Variants in FAS observed in about 807,000 individuals in gnomAD.
The protein encoded by FAS is Fas cell surface death receptor, also known as tumor necrosis factor receptor superfamily member 6.
Under a neutral mutation model 33.2 loss-of-function variants are expected in FAS, and 5 were observed. The observed-to-expected ratio is 0.15, with a 90% CI of 0.08 to 0.32. The LOEUF is 0.32. Ranked by LOEUF, FAS falls within the 10% of genes least tolerant of loss-of-function variation. The probability of loss-of-function intolerance (pLI) is 1.00; values close to 1 mark genes in which losing one functional copy is unlikely to be tolerated. For missense variants in FAS, 339 were observed against 386.0 expected (o/e 0.88, Z 1.02); for synonymous variants, 131 against 130.7 (o/e 1.00, Z -0.01).
chr10:89,006,638 C>T (rs990192041), intron 2 of FAS, among the ~76,000 whole-genome samples: 4 of 152,128 alleles, frequency 2.6e-5, no homozygotes, highest in Non-Finnish European at 5.9e-5. Context: ...TTACCTTCAT[C>T]TAGCTTTCCC....
chr10:88,994,992 C>T (rs566083951), intron 1 of FAS, among the ~76,000 whole-genome samples: 1 of 151,358 alleles, frequency 6.6e-6, no homozygotes, highest in Non-Finnish European at 1.5e-5. Flanking sequence ...TAATTCAAAA[C>T]GATAAAAAGC....
chr10:89,010,839 T>A, intron 6 of FAS, 24 bp downstream of exon 6: 1 of 1,613,434 alleles, frequency 6.2e-7, no homozygotes, highest in Non-Finnish European at 8.5e-7. Context: ...TTGTTCAAAC[T>A]GCAGATTGAA....
intron 1 of FAS, among the ~76,000 whole-genome samples, chr10:88,997,317 T>G (rs1446744680): frequency 6.6e-6 from 1 of 152,236 alleles, no homozygotes; most frequent in African/African-American, 2.4e-5. Flanking sequence ...GAACTATTTT[T>G]CTGACTCTAG....
At chr10:89,013,952 T>A in intron 8 of FAS, 167 bp from the exon 9 acceptor site, 1 of 680,124 alleles carries the variant, frequency 1.5e-6, no homozygotes, top group Non-Finnish European at 2.5e-6. Flanking sequence ...GGATTTGGAG[T>A]TAGAACTCAA....
At chr10:89,010,507 C>G (rs772637093) in intron 4 of FAS, 32 bp from the exon 5 acceptor site, 1 of 1,583,968 alleles carries the variant, frequency 6.3e-7, no homozygotes, top group South Asian at 1.1e-5. Context: ...TTCTGCCAGG[C>G]TTTTGAATTT....
At position 88,995,768 on chromosome 10, in the gene FAS, G is replaced by A. The variant is rs548680012; in HGVS notation, c.30+4862G>A. ...TGGAACCTGGGAGGTGGAAGTTGCAGTGAGCCAAGATCATGCCACTGCACT... is the reference window on the plus strand; with the variant it reads ...TGGAACCTGGGAGGTGGAAGTTGCAATGAGCCAAGATCATGCCACTGCACT... On this transcript the variant is annotated intron_variant, in intron 1 of 8. Coordinates refer to ENST00000652046, the MANE Select transcript of FAS (RefSeq NM_000043.6). 1.2e-3 allele frequency among the ~76,000 whole-genome samples: 186 copies of A among 152,320 alleles called. 1 individual carries two copies. The highest frequency in any genetic ancestry group is 4.2e-3 in the African/African-American group (175 of 41,584).
At chr10:89,007,576 A>T in intron 2 of FAS, 124 bp from the exon 3 acceptor site, 2 of 1,259,524 alleles carry the variant, frequency 1.6e-6, no homozygotes, top group East Asian at 2.6e-5. Flanking sequence ...TTTATATCTC[A>T]TTAGCCTACC....
exon 2 of FAS, chr10:88,973,232 G>A (rs1416509653): frequency 6.2e-7 from 1 of 1,612,524 alleles, no homozygotes; most frequent in Non-Finnish European, 8.5e-7. Flanking sequence ...TGGAGATGGA[G>A]CCCCTGAAAA....
At chr10:88,977,967 T>C (rs1234061933) in intron 2 of FAS, among the ~76,000 whole-genome samples, 6 of 63,660 alleles carry the variant, frequency 9.4e-5, no homozygotes, top group East Asian at 3.6e-4. Flanking sequence ...TATTGCAGCA[T>C]TATTCACAAT....
Position 88,967,815 on chromosome 10 carries a change from C to A in FAS, n.95-5367C>A, listed in dbSNP as rs116288350. Among the ~76,000 whole-genome samples, 980 of 152,220 alleles carry A rather than the reference C, an allele frequency of 6.4e-3. 7 individuals carry two copies. Among genetic ancestry groups the A allele is most frequent in the African/African-American group, 0.022 (929 of 41,530 alleles). ...CACACCAGAACTCATTTCAATCATC[C>A]CTAAATTTAAAACAGGAAAATGGTT... On this transcript the variant is annotated intron_variant and non_coding_transcript_variant, in intron 1 of 3. Transcript: ENST00000688239.
chr10:88,997,967 C>T (rs909252510), intron 1 of FAS, among the ~76,000 whole-genome samples: 13 of 152,202 alleles, frequency 8.5e-5, no homozygotes, highest in Non-Finnish European at 1.8e-4. Context: ...CTATTTAGCT[C>T]AGTGATCATC....
At chr10:88,997,428 C>T (rs1282997498) in intron 1 of FAS, among the ~76,000 whole-genome samples, 2 of 152,178 alleles carry the variant, frequency 1.3e-5, no homozygotes, top group Non-Finnish European at 2.9e-5. Flanking sequence ...TAACTTGCAA[C>T]TGTTGCTTCA....
chr10:89,005,454 C>G (rs1170127368), intron 2 of FAS, among the ~76,000 whole-genome samples: 1 of 151,830 alleles, frequency 6.6e-6, no homozygotes, highest in African/African-American at 2.4e-5. Context: ...TCATCATATT[C>G]AATAAGAAGG....
chr10:89,010,437 CAAAG>C, intron 4 of FAS, 98 bp from the exon 5 acceptor site: 1 of 895,898 alleles, frequency 1.1e-6, no homozygotes, highest in Non-Finnish European at 1.8e-6. Context: ...GCCAGAGATG[CAAAG>C]ATGAATAAAA....
At chr10:88,969,285 T>C (rs1442320047) in intron 1 of FAS, among the ~76,000 whole-genome samples, 1 of 152,210 alleles carries the variant, frequency 6.6e-6, no homozygotes, top group Non-Finnish European at 1.5e-5. Flanking sequence ...AAAAGCTCTT[T>C]AGTGTCAATT....
At chr10:88,995,114 G>A (rs1847510589) in intron 1 of FAS, among the ~76,000 whole-genome samples, 1 of 151,966 alleles carries the variant, frequency 6.6e-6, no homozygotes. Context: ...TCATAAAAGT[G>A]GAAAAATAAC....
At chr10:88,977,582 G>T (rs1346501356) in intron 2 of FAS, among the ~76,000 whole-genome samples, 2 of 151,938 alleles carry the variant, frequency 1.3e-5, no homozygotes, top group Non-Finnish European at 2.9e-5. Context: ...TCAAAAAGTG[G>T]GCAAAGGACA....
chr10:89,015,818 CT>C lies in FAS; in HGVS notation c.*1373del. The C allele has an allele frequency of 6.8e-6, 3 of 441,420 alleles. No individual in the cohort carries two copies. The highest frequency in any genetic ancestry group is 4.3e-5 in the South Asian group (2 of 46,662). 27.3% of individuals were successfully genotyped at this position (441,420 alleles called of 1,614,324 possible). ...TTTTCTCTTTTTTGGTAGGGGCTTG[CT>C]TTTTGGTTTTGTCTTCCTTTTCTCT... On this transcript the variant is annotated 3_prime_UTR_variant, in exon 9 of 9. Coordinates refer to ENST00000652046, the MANE Select transcript of FAS (RefSeq NM_000043.6).
intron 1 of FAS, among the ~76,000 whole-genome samples, chr10:88,994,692 T>A (rs1847476503): frequency 6.6e-6 from 1 of 152,108 alleles, no homozygotes; most frequent in South Asian, 2.1e-4. Flanking sequence ...AGTCTGTTTT[T>A]TGTTCCTTTG....
Sources: allele counts gnomAD v4.1 joint callset (sites outside exome capture counted in the v4.1 genomes callset), GRCh38; gene constraint gnomAD v4.1.1; transcripts MANE v1.5; gene names NCBI Gene and HGNC (gene_info 2026-07-23, HGNC 2026-07-21).